Variants in ZBTB38 observed in about 807,000 individuals in gnomAD.
ZBTB38 encodes the protein zinc finger and BTB domain containing 38, also known as zinc finger and BTB domain-containing protein 38.
In ZBTB38, 20 loss-of-function variants were observed where a neutral mutation model predicts 76.8. The observed-to-expected ratio is 0.26, with a 90% CI of 0.18 to 0.38. The LOEUF (loss-of-function observed/expected upper bound fraction) is 0.38, where lower values mean the gene tolerates loss of function less well. Among genes scored for constraint, ZBTB38 ranks in the 10% least tolerant of loss-of-function variants. The pLI, the probability that ZBTB38 is intolerant of heterozygous loss-of-function variation, is 1.00. For synonymous variants in ZBTB38, 504 were observed against 544.2 expected, an observed-to-expected ratio of 0.93 and a Z score of 1.03; for missense variants, 1,082 against 1,482.3, an observed-to-expected ratio of 0.73 and a Z score of 4.43.
rs2081216663 is a variant in ZBTB38, at chr3:141,447,935, CAACTTT to C, written c.*1961_*1966del. On this transcript the variant is annotated 3_prime_UTR_variant, in exon 6 of 6. Transcript: ENST00000321464. ...AAAAATGGGAAAATGCAAGCAAATT[CAACTTT>C]ATTTTATACATTGTATATATGTACA... The C allele has an allele frequency of 6.6e-6, 1 of 152,572 alleles. No individual in the cohort carries two copies. Among genetic ancestry groups the C allele is most frequent in the Non-Finnish European group, 1.5e-5 (1 of 68,000 alleles). 9.5% of individuals were successfully genotyped at this position (152,572 alleles called of 1,614,324 possible). A position where few individuals can be genotyped will look rare whatever the true frequency, so the allele number is the denominator to read the frequency against.
At chr3:141,392,245 T>C (rs934268822) in intron 4 of ZBTB38, among the ~76,000 whole-genome samples, 4 of 151,692 alleles carry the variant, frequency 2.6e-5, no homozygotes, top group Non-Finnish European at 5.9e-5. Flanking sequence ...TGTAGTAGAG[T>C]GGGGAAGGGG....
chr3:141,448,478 T>G lies in ZBTB38; in HGVS notation c.*2502T>G, dbSNP rs1469657924. The G allele has an allele frequency of 6.6e-6, 1 of 152,582 alleles. No individual in the cohort carries two copies. The highest frequency in any genetic ancestry group is 2.1e-4 in the South Asian group (1 of 4,834). 9.5% of individuals were successfully genotyped at this position (152,582 alleles called of 1,614,324 possible). Reference sequence around the variant, plus strand: ...TTGTGAAAATTTTATTGAGTGATGTTTAAGTATGCATTGAGTACATGACCA... The same window carrying G: ...TTGTGAAAATTTTATTGAGTGATGTGTAAGTATGCATTGAGTACATGACCA... On this transcript the variant is annotated 3_prime_UTR_variant, in exon 6 of 6. Transcript: ENST00000321464.
intron 4 of ZBTB38, among the ~76,000 whole-genome samples, chr3:141,397,780 T>G (rs1210726965): frequency 6.6e-6 from 1 of 152,210 alleles, no homozygotes; most frequent in East Asian, 1.9e-4. Context: ...GTTCGCCATC[T>G]TATATGGGCG....
intron 5 of ZBTB38, chr3:141,426,268 C>G (rs2076362190): frequency 4.6e-6 from 5 of 1,080,044 alleles, no homozygotes; most frequent in South Asian, 4.0e-5. Context: ...CCTGCCCAGA[C>G]CCTGTCTCCC....
chr3:141,336,124 A>G (rs1237153027), intron 1 of ZBTB38, among the ~76,000 whole-genome samples: 1 of 152,144 alleles, frequency 6.6e-6, no homozygotes, highest in Non-Finnish European at 1.5e-5. Context: ...ACTGCTAACC[A>G]TGGGAGAAGG....
At chr3:141,378,275 G>T (rs1244964301) in intron 2 of ZBTB38, among the ~76,000 whole-genome samples, 1 of 152,160 alleles carries the variant, frequency 6.6e-6, no homozygotes, top group East Asian at 1.9e-4. Context: ...GGGAACTGTG[G>T]TGGTGACTAT....
In ZBTB38 at chr3:141,403,944, A is replaced by G. The variant is rs531731809; in HGVS notation, c.-88A>G. The G allele has an allele frequency of 1.3e-5, 2 of 152,346 alleles. No homozygotes were observed. The highest frequency in any genetic ancestry group is 3.9e-4 in the East Asian group (2 of 5,194). 9.4% of individuals were successfully genotyped at this position (152,346 alleles called of 1,614,324 possible). Reference sequence around the variant, plus strand: ...CTTTTTAGATCTTGATGTGGAAGAAATGGAGGACTCAGAACCAAGGATTTC... The same window carrying G: ...CTTTTTAGATCTTGATGTGGAAGAAGTGGAGGACTCAGAACCAAGGATTTC... On this transcript the variant is annotated 5_prime_UTR_variant, in exon 5 of 6. An upstream start codon of the reference 5' UTR is lost. Transcript: ENST00000321464.
intron 1 of ZBTB38, among the ~76,000 whole-genome samples, chr3:141,334,822 AAAG>A (rs1357177965): frequency 5.9e-5 from 9 of 152,214 alleles, no homozygotes; most frequent in African/African-American, 1.7e-4. Context: ...GAGCTTTAAC[AAAG>A]AAGGAGACAG....
intron 1 of ZBTB38, among the ~76,000 whole-genome samples, chr3:141,362,238 A>G (rs1943844002): frequency 1.3e-5 from 2 of 152,070 alleles, no homozygotes; most frequent in South Asian, 2.1e-4. Flanking sequence ...TACAAGTTTT[A>G]TAGTTTTCCA....
chr3:141,398,390 T>G (rs1403607518), intron 4 of ZBTB38, among the ~76,000 whole-genome samples: 1 of 152,220 alleles, frequency 6.6e-6, no homozygotes, highest in Non-Finnish European at 1.5e-5. Flanking sequence ...GTGTTGAACA[T>G]TTTGGCCTTT....
At chr3:141,416,305 A>G (rs1371181046) in intron 5 of ZBTB38, among the ~76,000 whole-genome samples, 1 of 152,252 alleles carries the variant, frequency 6.6e-6, no homozygotes, top group Admixed American at 6.5e-5. Flanking sequence ...TTTTGAGGGC[A>G]GCATGGCCTG....
At chr3:141,428,277 C>T (rs2076776582) in intron 5 of ZBTB38, among the ~76,000 whole-genome samples, 3 of 152,328 alleles carry the variant, frequency 2.0e-5, no homozygotes, top group Admixed American at 6.5e-5. Flanking sequence ...AACAAGCCTG[C>T]AGTTTGGACT....
rs766376335 is a variant in ZBTB38 at position 141,375,845 on chromosome 3, G to A, written c.-234-5580G>A. Among the ~76,000 whole-genome samples, 5 of 152,174 alleles carry A rather than the reference G, an allele frequency of 3.3e-5. No individual in the cohort carries two copies. The East Asian group carries it at 5.8e-4, about 18-fold the overall frequency. On this transcript the variant is annotated intron_variant, in intron 2 of 5. Transcript: ENST00000321464. ...TCAGGGGAGGTACCTGCCCCAAGCC[G>A]TGCCTGCCTTTTTAAATCTGAAAGG...
chr3:141,350,008 C>A lies in ZBTB38; in HGVS notation c.-738-18613C>A, dbSNP rs999299740. ...AGAATATAAATTCAAAGAAATCTCC[C>A]AAAGAGGACAAAAAGATAGAAATCA... On this transcript the variant is annotated intron_variant, in intron 1 of 7. Coordinates refer to the ZBTB38 transcript ENST00000509842. Among the ~76,000 whole-genome samples the A allele has an allele frequency of 3.9e-5, 6 of 152,010 alleles. No homozygotes were observed. The East Asian group carries it at 7.7e-4, about 20-fold the overall frequency.
chr3:141,424,266 C>T (rs1210370642), intron 5 of ZBTB38, among the ~76,000 whole-genome samples: 4 of 152,164 alleles, frequency 2.6e-5, no homozygotes, highest in Non-Finnish European at 5.9e-5. Flanking sequence ...CACCTGTAAT[C>T]CCAGCACTTT....
At chr3:141,434,998 T>C (rs1387476104) in intron 5 of ZBTB38, among the ~76,000 whole-genome samples, 1 of 151,944 alleles carries the variant, frequency 6.6e-6, no homozygotes, top group Non-Finnish European at 1.5e-5. Flanking sequence ...CCAAGGATGG[T>C]GGCACATGTC....
intron 1 of ZBTB38, among the ~76,000 whole-genome samples, chr3:141,352,386 G>C (rs143657424): frequency 2.0e-5 from 3 of 152,148 alleles, no homozygotes; most frequent in Non-Finnish European, 4.4e-5. Context: ...ATGATAATCT[G>C]AACTCTCAGA....
intron 5 of ZBTB38, chr3:141,434,156 T>C: frequency 1.0e-6 from 1 of 982,186 alleles, no homozygotes; most frequent in South Asian, 4.7e-5. Context: ...TACATTGTAA[T>C]GATGGGAAAC....
chr3:141,416,095 G>A (rs1219493422), intron 5 of ZBTB38, among the ~76,000 whole-genome samples: 2 of 152,134 alleles, frequency 1.3e-5, no homozygotes, highest in African/African-American at 4.8e-5. Flanking sequence ...TGAGGGCATT[G>A]CCTGCTCCTG....
Sources: allele counts gnomAD v4.1 joint callset (sites outside exome capture counted in the v4.1 genomes callset), GRCh38; gene constraint gnomAD v4.1.1; transcripts MANE v1.5; gene names NCBI Gene and HGNC (gene_info 2026-07-23, HGNC 2026-07-21).